MACROD2: variants seen among roughly 807,000 people sequenced by gnomAD.
The protein encoded by MACROD2 is ADP-ribose glycohydrolase MACROD2.
Under a neutral mutation model 70.4 loss-of-function variants are expected in MACROD2, and 36 were observed. That is an observed-to-expected ratio of 0.51 (90% CI 0.39 to 0.68). The LOEUF (loss-of-function observed/expected upper bound fraction) is 0.68. MACROD2 is among the 30% of genes least tolerant of loss of function. MACROD2 has a pLI of 0.00. For synonymous variants in MACROD2, 172 were observed against 178.8 expected (o/e 0.96, Z 0.30); for missense variants, 496 against 538.4 (o/e 0.92, Z 0.78).
intron 5 of MACROD2, among the ~76,000 whole-genome samples, chr20:14,840,898 A>AGGG (rs2073080228): frequency 6.6e-6 from 1 of 152,058 alleles, no homozygotes; most frequent in Non-Finnish European, 1.5e-5. Context: ...AGGACACTGC[A>AGGG]CTCTGAAATA....
At chr20:15,481,022 C>T (rs1397323847) in intron 7 of MACROD2, among the ~76,000 whole-genome samples, 1 of 152,180 alleles carries the variant, frequency 6.6e-6, no homozygotes, top group Admixed American at 6.5e-5. Flanking sequence ...TATTTCCTAC[C>T]TAGACCCTGA....
At chr20:15,325,613 G>T (rs2077920289) in intron 6 of MACROD2, among the ~76,000 whole-genome samples, 1 of 152,132 alleles carries the variant, frequency 6.6e-6, no homozygotes, top group Non-Finnish European at 1.5e-5. Flanking sequence ...CAGTGCCCCA[G>T]GAGAGAGGAG....
chr20:15,097,807 A>G (rs1229426553), intron 5 of MACROD2, among the ~76,000 whole-genome samples: 2 of 152,206 alleles, frequency 1.3e-5, no homozygotes, highest in Admixed American at 6.5e-5. Flanking sequence ...CTATCGACAA[A>G]CACGTAGCTG....
At chr20:15,065,547 C>G (rs973688544) in intron 5 of MACROD2, among the ~76,000 whole-genome samples, 21 of 151,180 alleles carry the variant, frequency 1.4e-4, no homozygotes, top group Non-Finnish European at 2.5e-4. Context: ...CCAGCTACTC[C>G]GGAGGCTGAG....
At chr20:15,363,365 G>GTA (rs1280516447) in intron 6 of MACROD2, among the ~76,000 whole-genome samples, 2 of 152,184 alleles carry the variant, frequency 1.3e-5, no homozygotes, top group African/African-American at 4.8e-5. Flanking sequence ...GGGTGAAATA[G>GTA]TATAATCACG....
At chr20:15,377,311 G>C (rs1038723236) in intron 6 of MACROD2, among the ~76,000 whole-genome samples, 4 of 151,214 alleles carry the variant, frequency 2.6e-5, no homozygotes, top group Non-Finnish European at 5.9e-5. Flanking sequence ...TCTCCACAGG[G>C]GAAAAAAAGG....
chr20:14,252,018 G>A (rs1327854950), intron 3 of MACROD2, among the ~76,000 whole-genome samples: 1 of 152,036 alleles, frequency 6.6e-6, no homozygotes, highest in African/African-American at 2.4e-5. Context: ...AAATAAAAGT[G>A]TAAAATTTTA....
chr20:14,082,177 C>CTTTTTTTT (rs66918191), intron 2 of MACROD2, among the ~76,000 whole-genome samples: 8 of 93,170 alleles, frequency 8.6e-5, no homozygotes, highest in African/African-American at 1.3e-4. Context: ...CTTTTTTTTT[C>CTTTTTTTT]TTTTTTTTTT....
At position 13,999,307 on chromosome 20, in the gene MACROD2, C is replaced by T. The variant is rs1045986607; in HGVS notation, c.47-2981C>T. ...CGTGAACTTGGAGTTGCTGTTCTCA[C>T]TTTCCTTCTTTTGCTCAGTCCTTCA... is the stretch of plus-strand genomic sequence containing the variant. On this transcript the variant is annotated intron_variant, in intron 1 of 17. Transcript: ENST00000684519. Among the ~76,000 whole-genome samples, 10 of 152,308 alleles carry T rather than the reference C, an allele frequency of 6.6e-5. No homozygotes were observed. The East Asian group carries it at 1.9e-3, about 29-fold the overall frequency.
rs376921261 is a variant in MACROD2, at chr20:15,381,641, G to A, written c.541-49764G>A. On this transcript the variant is annotated intron_variant, in intron 6 of 17. Coordinates refer to ENST00000684519, the MANE Select transcript of MACROD2 (RefSeq NM_001351661.2). ...TGATTGCGCCACTGAACTCCAGCCT[G>A]GGTGACAGAAGGAGACCCTGTCTCA... 3.9e-4 allele frequency among the ~76,000 whole-genome samples: 60 copies of A among 152,264 alleles called. 1 individual carries two copies. The Middle Eastern group carries it at 0.017, about 43-fold the overall frequency.
At chr20:15,643,318 C>T (rs776547542) in intron 8 of MACROD2, among the ~76,000 whole-genome samples, 5 of 152,234 alleles carry the variant, frequency 3.3e-5, no homozygotes, top group Non-Finnish European at 7.3e-5. Flanking sequence ...CCCTCTTCGT[C>T]ACCTGGACTG....
chr20:15,885,063 G>A (rs1242590488), intron 9 of MACROD2, among the ~76,000 whole-genome samples: 2 of 152,078 alleles, frequency 1.3e-5, no homozygotes, highest in Non-Finnish European at 2.9e-5. Context: ...TATGAATTTT[G>A]GGGGGATACA....
intron 5 of MACROD2, among the ~76,000 whole-genome samples, chr20:14,952,620 GCTTA>G (rs1341012055): frequency 6.6e-6 from 1 of 151,762 alleles, no homozygotes; most frequent in African/African-American, 2.4e-5. Context: ...AAATTTTCTT[GCTTA>G]CTTTTATAAT....
intron 2 of MACROD2, among the ~76,000 whole-genome samples, chr20:14,080,685 CA>C (rs1555916819): frequency 4.7e-4 from 70 of 150,426 alleles, no homozygotes; most frequent in African/African-American, 1.6e-3. Flanking sequence ...TAGTCCTGTT[CA>C]TTTTTTTTTT....
intron 8 of MACROD2, among the ~76,000 whole-genome samples, chr20:15,715,085 C>T (rs1010263772): frequency 6.6e-6 from 1 of 152,036 alleles, no homozygotes; most frequent in Admixed American, 6.6e-5. Context: ...ACCAAGGGTT[C>T]ACAGGTTTAT....
At chr20:15,062,047 C>T (rs6043079) in intron 5 of MACROD2, among the ~76,000 whole-genome samples, 1 of 152,172 alleles carries the variant, frequency 6.6e-6, no homozygotes, top group Non-Finnish European at 1.5e-5. Flanking sequence ...ATACTGCAGC[C>T]TTGGGCTTGC....
chr20:16,038,581 C>T (rs1276983980), intron 15 of MACROD2, among the ~76,000 whole-genome samples: 2 of 150,216 alleles, frequency 1.3e-5, no homozygotes, highest in African/African-American at 4.9e-5. Flanking sequence ...GAAAAAGTAT[C>T]CAGCTCTCTG....
chr20:14,228,625 A>C (rs2081768852), intron 3 of MACROD2, among the ~76,000 whole-genome samples: 2 of 152,222 alleles, frequency 1.3e-5, no homozygotes, highest in South Asian at 4.1e-4. Context: ...TTATGTATGT[A>C]TCCATGAAAA....
intron 12 of MACROD2, among the ~76,000 whole-genome samples, chr20:15,950,902 A>G (rs1472731191): frequency 1.3e-5 from 2 of 152,122 alleles, no homozygotes; most frequent in Non-Finnish European, 2.9e-5. Context: ...ACGTTAATTA[A>G]CTAAATGTGA....
Sources: gnomAD v4.1 joint callset for allele counts (sites outside exome capture counted in the v4.1 genomes callset) on GRCh38, gnomAD v4.1.1 for gene constraint, MANE v1.5 for transcripts, NCBI Gene and HGNC (gene_info 2026-07-23, HGNC 2026-07-21) for gene names.